Variants in RIMS3 observed in about 807,000 individuals in gnomAD.
The protein encoded by RIMS3 is regulating synaptic membrane exocytosis 3.
In RIMS3, 15 loss-of-function variants were observed where a neutral mutation model predicts 29.2. That is an observed-to-expected ratio of 0.51 (90% CI 0.34 to 0.79). The LOEUF is 0.79. Among genes scored for constraint, RIMS3 ranks in the 30% least tolerant of loss-of-function variants. RIMS3 has a pLI of 0.01. For missense variants in RIMS3, 342 were observed against 421.4 expected (o/e 0.81, Z 1.65); for synonymous variants, 161 against 170.1 (o/e 0.95, Z 0.41).
At chr1:40,662,131 G>C (rs1388122960) in intron 1 of RIMS3, among the ~76,000 whole-genome samples, 1 of 152,160 alleles carries the variant, frequency 6.6e-6, no homozygotes, top group East Asian at 1.9e-4. Context: ...AAACCCTTTA[G>C]GGGTTGCCAT....
the RIMS3 span, among the ~76,000 whole-genome samples, chr1:40,677,988 C>A: frequency 3.3e-5 from 5 of 152,164 alleles, no homozygotes; most frequent in Admixed American, 2.0e-4. Flanking sequence ...AATACTGTTC[C>A]TTGGGTAATG....
At chr1:40,642,105 T>C in intron 2 of RIMS3, 149 bp from the exon 3 acceptor site, 1 of 610,292 alleles carries the variant, frequency 1.6e-6, no homozygotes, top group Non-Finnish European at 2.9e-6. Context: ...GTCAAGAGCA[T>C]GCACAGGTTC....
At chr1:40,664,437 A>T (rs1169405686) in intron 1 of RIMS3, among the ~76,000 whole-genome samples, 2 of 152,130 alleles carry the variant, frequency 1.3e-5, no homozygotes, top group African/African-American at 4.8e-5. Context: ...AACCCAAGGA[A>T]CCCAGACTTA....
At chr1:40,647,388 A>C (rs148837964) in intron 2 of RIMS3, among the ~76,000 whole-genome samples, 1 of 152,256 alleles carries the variant, frequency 6.6e-6, no homozygotes, top group Non-Finnish European at 1.5e-5. Context: ...CATCAAGGTC[A>C]GACTTAGCCT....
chr1:40,630,236 C>T (rs925671746), intron 5 of RIMS3, among the ~76,000 whole-genome samples: 3 of 152,104 alleles, frequency 2.0e-5, no homozygotes, highest in Admixed American at 6.6e-5. Flanking sequence ...TGGGTGTGGA[C>T]GGCTGAGAAA....
At position 40,642,380 on chromosome 1, in the gene RIMS3, C is replaced by G. The variant is rs148267950; in HGVS notation, c.-31-424G>C. Among the ~76,000 whole-genome samples the G allele has an allele frequency of 9.2e-5, 14 of 152,284 alleles. No homozygotes were observed. In the East Asian group the frequency reaches 2.5e-3, roughly 27 times the overall value. On this transcript the variant is annotated intron_variant, in intron 2 of 7. Coordinates refer to ENST00000372684, the MANE Select transcript of RIMS3 (RefSeq NM_014747.3). The stretch of plus-strand genomic sequence containing the variant: ...TAAATAATGCACAGGAAGTGCCTGT[C>G]AGGCTTAGGGGAAATATTCAGTAAG...
the RIMS3 span, among the ~76,000 whole-genome samples, chr1:40,678,830 G>C: frequency 1.3e-5 from 2 of 152,252 alleles, no homozygotes; most frequent in Non-Finnish European, 2.9e-5. Context: ...CTGATGGCCA[G>C]AGGAACGCTG....
rs368999935 is a variant in RIMS3 at position 40,656,231 on chromosome 1, C to G, written c.-206-8389G>C. On this transcript the variant is annotated intron_variant, in intron 1 of 7. Transcript: ENST00000372684. ...CCTGAGCGACAGAGTGAGATCTAGTCTCGATAAATAAACAAACAGATAAAA... is the reference window on the plus strand; with the variant it reads ...CCTGAGCGACAGAGTGAGATCTAGTGTCGATAAATAAACAAACAGATAAAA... 2.6e-5 allele frequency among the ~76,000 whole-genome samples: 4 copies of G among 152,084 alleles called. No homozygotes were observed. The East Asian group carries it at 5.8e-4, about 22-fold the overall frequency.
chr1:40,662,258 A>G (rs1317567244), intron 1 of RIMS3, among the ~76,000 whole-genome samples: 2 of 152,062 alleles, frequency 1.3e-5, no homozygotes, highest in African/African-American at 4.8e-5. Context: ...TGTTCTCACC[A>G]TCAACAGGGC....
chr1:40,687,993 C>T, the RIMS3 span, among the ~76,000 whole-genome samples: 3 of 152,178 alleles, frequency 2.0e-5, no homozygotes, highest in Non-Finnish European at 4.4e-5. Flanking sequence ...GAGACAGAGT[C>T]TCGCTCTGTC....
intron 1 of RIMS3, among the ~76,000 whole-genome samples, chr1:40,650,704 A>G (rs1304421004): frequency 1.3e-5 from 2 of 151,848 alleles, no homozygotes; most frequent in Non-Finnish European, 2.9e-5. Context: ...TCTAAAAAAA[A>G]AAAATACAAA....
chr1:40,679,363 C>A, the RIMS3 span, among the ~76,000 whole-genome samples: 7 of 152,330 alleles, frequency 4.6e-5, no homozygotes, highest in East Asian at 1.3e-3. Flanking sequence ...AGCCAGCTGG[C>A]AAGAAGTGTC....
rs994925332 is a variant in RIMS3 at position 40,630,085 on chromosome 1, A to G, written c.473-713T>C. 9.2e-5 allele frequency among the ~76,000 whole-genome samples: 14 copies of G among 151,758 alleles called. 1 individual carries two copies. In the South Asian group the frequency reaches 1.7e-3, roughly 18 times the overall value. Reference sequence around the variant, plus strand: ...GACTCCGTCTCAAAAAAAAAAAAAAAAAAGAAAGAAAGAAGAAAAGAAAGA... The same window carrying G: ...GACTCCGTCTCAAAAAAAAAAAAAAGAAAGAAAGAAAGAAGAAAAGAAAGA... On this transcript the variant is annotated intron_variant, in intron 5 of 7. Coordinates refer to ENST00000372684, the MANE Select transcript of RIMS3 (RefSeq NM_014747.3).
At chr1:40,642,749 A>G in intron 2 of RIMS3, among the ~76,000 whole-genome samples, 1 of 151,294 alleles carries the variant, frequency 6.6e-6, no homozygotes, top group African/African-American at 2.4e-5. Flanking sequence ...TGAGGTCAGG[A>G]GTTCGAGACC....
At position 40,626,503 on chromosome 1, in the gene RIMS3, T is replaced by G. The variant is rs749606970; in HGVS notation, c.*14A>C. The G allele has an allele frequency of 8.2e-6, 13 of 1,590,734 alleles. No individual in the cohort carries two copies. In the South Asian group the frequency reaches 1.2e-4, roughly 15 times the overall value. On this transcript the variant is annotated 3_prime_UTR_variant, in exon 8 of 8. Coordinates refer to ENST00000372684, the MANE Select transcript of RIMS3 (RefSeq NM_014747.3). ...CCCTCCCCACACCACCATCCTGGCC[T>G]CTTCCTGACATCCTTAAGAGCATGA... is the stretch of plus-strand genomic sequence containing the variant.
intron 3 of RIMS3, among the ~76,000 whole-genome samples, chr1:40,637,229 A>AG (rs1646525905): frequency 6.6e-6 from 1 of 152,118 alleles, no homozygotes; most frequent in Non-Finnish European, 1.5e-5. Flanking sequence ...TGGGCTGGGG[A>AG]GGGGATGTTC....
intron 2 of RIMS3, among the ~76,000 whole-genome samples, chr1:40,645,586 T>A (rs1212293071): frequency 1.3e-5 from 2 of 152,076 alleles, no homozygotes; most frequent in African/African-American, 2.4e-5. Flanking sequence ...GAAAAGCCCC[T>A]CTGGCCCAGG....
intron 1 of RIMS3, among the ~76,000 whole-genome samples, chr1:40,663,597 C>G (rs1337001116): frequency 6.6e-6 from 1 of 152,242 alleles, no homozygotes; most frequent in Non-Finnish European, 1.5e-5. Flanking sequence ...ACAGACCCCA[C>G]AGAGCTCAGC....
chr1:40,686,288 C>A, the RIMS3 span, among the ~76,000 whole-genome samples: 1 of 152,204 alleles, frequency 6.6e-6, no homozygotes, highest in African/African-American at 2.4e-5. Context: ...GAACTCATGA[C>A]TTCTCCATAC....
Sources: allele counts gnomAD v4.1 joint callset (sites outside exome capture counted in the v4.1 genomes callset), GRCh38; gene constraint gnomAD v4.1.1; transcripts MANE v1.5; gene names NCBI Gene and HGNC (gene_info 2026-07-23, HGNC 2026-07-21).